AGAP2: variants seen among roughly 807,000 people sequenced by gnomAD.
The protein encoded by AGAP2 is ArfGAP with GTPase domain, ankyrin repeat and PH domain 2.
A neutral mutation model predicts 110.9 loss-of-function variants in AGAP2; 32 were observed. That is an observed-to-expected ratio of 0.29 (90% CI 0.22 to 0.39). AGAP2 has a LOEUF of 0.39. Ranked by LOEUF, AGAP2 falls within the 10% of genes least tolerant of loss-of-function variation. AGAP2 has a pLI of 1.00. For missense variants in AGAP2, 1,285 were observed against 1,638.5 expected (o/e 0.78, Z 3.72); for synonymous variants, 702 against 713.0 (o/e 0.98, Z 0.25).
Position 57,738,187 on chromosome 12 carries a change from G to C in AGAP2, c.60C>G (p.Thr20=), listed in dbSNP as rs746561939. The C allele has an allele frequency of 4.6e-5, 70 of 1,525,800 alleles. No individual in the cohort carries two copies. The East Asian group carries it at 1.8e-3, about 38-fold the overall frequency. 94.5% of individuals were successfully genotyped at this position (1,525,800 alleles called of 1,614,324 possible). A position where few individuals can be genotyped will look rare whatever the true frequency, so the allele number is the denominator to read the frequency against. The change falls in exon 1 of 19, where the codon ACC becomes ACG. Residue 20 remains threonine (T), a synonymous_variant. Transcript: ENST00000547588. The surrounding 1 kb of genome is among the most constrained non-coding windows in gnomAD (Gnocchi z 6.7). ...GAGGCACCGACTCGAGCTTAACCAG[G>C]GTCAGCGAGATGAGGTAGGTCGTTG... ...RRTTTYLISL[T]LVKLESVPPP...
At chr12:57,728,733 C>T (rs191100624) in intron 13 of AGAP2, among the ~76,000 whole-genome samples, 2 of 151,994 alleles carry the variant, frequency 1.3e-5, no homozygotes, top group Admixed American at 1.3e-4. Flanking sequence ...GGGAAGGGGA[C>T]AGAAGCTGGG....
upstream of AGAP2, among the ~76,000 whole-genome samples, chr12:57,740,903 G>A (rs1246520293): frequency 6.6e-6 from 1 of 152,226 alleles, no homozygotes; most frequent in Non-Finnish European, 1.5e-5. Context: ...CTGGCAGGAG[G>A]TGTCCTTGAG....
At chr12:57,732,540 G>C in intron 6 of AGAP2, 28 bp from the exon 7 acceptor site, 1 of 1,556,238 alleles carries the variant, frequency 6.4e-7, no homozygotes. Flanking sequence ...AAGGAGGTGT[G>C]AGCAGGCCAG....
rs1397249185 is a variant in AGAP2, at chr12:57,734,123, C to T, written c.1452G>A (p.Glu484=). Residue 484 remains glutamate, a synonymous_variant, in exon 5 of 19, where the codon GAG becomes GAA. Coordinates refer to ENST00000547588, the MANE Select transcript of AGAP2 (RefSeq NM_001122772.3). ...GACGGCTCACAGCCTGGAAACTGTTCTCATCCTCCAGGCTGAAGACGAAGA... is the reference window on the plus strand; with the variant it reads ...GACGGCTCACAGCCTGGAAACTGTTTTCATCCTCCAGGCTGAAGACGAAGA... ...AVIFVFSLED[E]NSFQAVSRLH... 1.2e-6 allele frequency: 2 copies of T among 1,613,432 alleles called. No homozygotes were observed. Among genetic ancestry groups the T allele is most frequent in the African/African-American group, 1.3e-5 (1 of 74,908 alleles).
chr12:57,724,017 C>T (rs1291478547), downstream of AGAP2: 1 of 152,448 alleles, frequency 6.6e-6, no homozygotes, highest in African/African-American at 2.4e-5. Context: ...GTCCTCTAGT[C>T]CAATCTTCTT....
Position 57,738,065 on chromosome 12 carries a change from G to C in AGAP2, c.182C>G (p.Pro61Arg), listed in dbSNP as rs1955024740. ...GAGACGTTCGTGCCGCTTCTTGCCC[G>C]GCTCCTCCGCGCCTCGGGGGCTGCC... is the stretch of plus-strand genomic sequence containing the variant. The part of the protein sequence containing the change: ...DPGSPRGAEE[P>R]GKKRHERLFH... The change falls in exon 1 of 19, where the codon CCG becomes CGG. Residue 61 changes from proline (P) to arginine (R), a missense_variant. Transcript: ENST00000547588. The surrounding 1 kb of genome is among the most constrained non-coding windows in gnomAD (Gnocchi z 6.7). 2 of 1,523,720 alleles carry C rather than the reference G, an allele frequency of 1.3e-6. No individual in the cohort carries two copies. The highest frequency in any genetic ancestry group is 1.4e-5 in the African/African-American group (1 of 70,940). 94.4% of individuals were successfully genotyped at this position (1,523,720 alleles called of 1,614,324 possible).
chr12:57,734,731 T>G, intron 2 of AGAP2, 52 bp from the exon 3 acceptor site: 2 of 1,546,724 alleles, frequency 1.3e-6, no homozygotes, highest in Non-Finnish European at 1.8e-6. Context: ...GAAGGCAGGA[T>G]GCATGGGTCT....
chr12:57,732,759 G>C, intron 6 of AGAP2, 86 bp downstream of exon 6: 1 of 1,579,574 alleles, frequency 6.3e-7, no homozygotes, highest in South Asian at 1.1e-5. Context: ...GTCACTCACA[G>C]AGAGAGGCCT....
rs75903270 is a variant in AGAP2, at chr12:57,736,583, A to C, written c.1168+496T>G. 6.4e-4 allele frequency among the ~76,000 whole-genome samples: 98 copies of C among 152,266 alleles called. 1 individual carries two copies. In the East Asian group the frequency reaches 0.017, roughly 26 times the overall value. On this transcript the variant is annotated intron_variant, in intron 1 of 18. Transcript: ENST00000547588. ...CCAATCCGCCTTCACCGCACGAAAA[A>C]CATCACTAGCCTGCTCTCAGCCCAG...
intron 5 of AGAP2, 85 bp downstream of exon 5, chr12:57,733,941 C>T: frequency 6.8e-7 from 1 of 1,470,214 alleles, no homozygotes; most frequent in Non-Finnish European, 9.1e-7. Context: ...CCACACCTTA[C>T]CAAGTTCTCA....
intron 13 of AGAP2, 61 bp from the exon 14 acceptor site, chr12:57,728,438 C>A (rs1954817610): frequency 1.3e-6 from 2 of 1,558,524 alleles, no homozygotes; most frequent in Non-Finnish European, 8.8e-7. Context: ...GAAAGAGAGA[C>A]CAAGAAAGAA....
In AGAP2 at chr12:57,726,493, C is replaced by G; in HGVS notation, c.*59G>C. 1.7e-6 allele frequency: 2 copies of G among 1,161,464 alleles called. No homozygotes were observed. The highest frequency in any genetic ancestry group is 1.6e-5 in the African/African-American group (1 of 61,828). The allele number at this position is 1,161,464 out of a possible 1,614,324, so 71.9% of individuals were successfully genotyped here. ...GAGTGGGTGCGTCTGTCCAGCGGTC[C>G]GCCCGGTGTGGTCGTGCCCGGCCCG... On this transcript the variant is annotated 3_prime_UTR_variant, in exon 19 of 19. Coordinates refer to ENST00000547588, the MANE Select transcript of AGAP2 (RefSeq NM_001122772.3). The surrounding 1 kb of genome is among the most constrained non-coding windows in gnomAD (Gnocchi z 5.7).
In AGAP2 at chr12:57,727,427, C is replaced by A; in HGVS notation, c.3013G>T (p.Asp1005Tyr). 2 of 1,613,652 alleles carry A rather than the reference C, an allele frequency of 1.2e-6. No individual in the cohort carries two copies. The highest frequency in any genetic ancestry group is 1.3e-5 in the African/African-American group (1 of 75,044). ...CTTTCCCACACGCGGTTGGCCGTGTCGTTGCCAATAGCCGTCAGCACCAGG... is the reference window on the plus strand; with the variant it reads ...CTTTCCCACACGCGGTTGGCCGTGTAGTTGCCAATAGCCGTCAGCACCAGG... ...LTLVLTAIGNDTANRVWESDT... is the reference protein window; with the variant it reads ...LTLVLTAIGNYTANRVWESDT... Residue 1005 changes from aspartate (D) to tyrosine (Y), a missense_variant, in exon 17 of 19, where the codon GAC becomes TAC. Physicochemically the swap from Asp to Tyr is radical, Grantham distance 160. This residue lies in a region of AGAP2 where 201 missense variants were observed against 276.1 expected (regional missense o/e 0.73). Transcript: ENST00000547588.
chr12:57,727,296 C>A, intron 17 of AGAP2, 64 bp downstream of exon 17: 1 of 1,610,010 alleles, frequency 6.2e-7, no homozygotes, highest in Non-Finnish European at 8.5e-7. Flanking sequence ...CCCCTACCCA[C>A]GGGACCGTCT....
Position 57,737,139 on chromosome 12 carries a change from TG to T in AGAP2, c.1107del (p.Ser370AlafsTer23). Reference protein sequence around the residue: ...PPGSGPLPGPPSLSSGSGSRE... With the variant: ...PPGSGPLPGPXSLSSGSGSRE... ...CTGGACCCGCTGCCAGAAGACAGGC[TG>T]GGGGGTCCGGGAAGGGGCCCGGAGC... On this transcript the variant is annotated frameshift_variant, in exon 1 of 19. Coordinates refer to ENST00000547588, the MANE Select transcript of AGAP2 (RefSeq NM_001122772.3). LOFTEE classifies it high-confidence loss of function. The surrounding 1 kb of genome is among the most constrained non-coding windows in gnomAD (Gnocchi z 5.9). 6.4e-7 allele frequency: 1 copy of T among 1,568,994 alleles called. No homozygotes were observed. The highest frequency in any genetic ancestry group is 8.6e-7 in the Non-Finnish European group (1 of 1,157,544).
chr12:57,731,288 G>T, intron 10 of AGAP2, 78 bp downstream of exon 10: 1 of 1,240,734 alleles, frequency 8.1e-7, no homozygotes. Context: ...TGAGGTTAGT[G>T]CTTTGTCAGA....
In AGAP2 at chr12:57,726,336, G is replaced by C; in HGVS notation, c.*216C>G. 3.2e-6 allele frequency: 1 copy of C among 316,032 alleles called. No individual in the cohort carries two copies. Among genetic ancestry groups the C allele is most frequent in the East Asian group, 6.3e-5 (1 of 15,978 alleles). The allele number at this position is 316,032 out of a possible 1,614,324, so 19.6% of individuals were successfully genotyped here. A position where few individuals can be genotyped will look rare whatever the true frequency, so the allele number is the denominator to read the frequency against. On this transcript the variant is annotated 3_prime_UTR_variant, in exon 19 of 19. Transcript: ENST00000547588. This position sits in a 1 kb window ranked among gnomAD's most constrained non-coding sequence, Gnocchi z 5.7. Reference sequence around the variant, plus strand: ...CGAGTGTGGAAACAATGGAGAGGGGGCGTGTTGAGCTGGGGTCTCCATGCC... The same window carrying C: ...CGAGTGTGGAAACAATGGAGAGGGGCCGTGTTGAGCTGGGGTCTCCATGCC...
At chr12:57,732,819 C>A in intron 6 of AGAP2, 26 bp downstream of exon 6, 1 of 1,613,430 alleles carries the variant, frequency 6.2e-7, no homozygotes, top group Non-Finnish European at 8.5e-7. Flanking sequence ...TGGCTTCCCA[C>A]ATATGCTGGA....
At chr12:57,730,358 G>T (rs1329265566) in intron 12 of AGAP2, 137 bp downstream of exon 12, 4 of 1,193,096 alleles carry the variant, frequency 3.4e-6, no homozygotes, top group Non-Finnish European at 4.7e-6. Flanking sequence ...TGGTATGATT[G>T]AACTTATTCA....
Sources: gnomAD v4.1 joint callset for allele counts (sites outside exome capture counted in the v4.1 genomes callset) on GRCh38, gnomAD v4.1.1 for gene constraint, gnomAD v4.1.1 regional missense constraint, Gnocchi (gnomAD v3.1) non-coding constraint, MANE v1.5 for transcripts, NCBI Gene and HGNC (gene_info 2026-07-23, HGNC 2026-07-21) for gene names.